FMN1: variants seen among roughly 807,000 people sequenced by gnomAD.
FMN1 encodes formin 1.
FMN1 carries 110 observed loss-of-function variants against 132.4 expected under a neutral mutation model. The ratio of observed to expected loss-of-function variants is 0.83; its 90% confidence interval spans 0.71 to 0.97. The LOEUF (loss-of-function observed/expected upper bound fraction) is 0.97, where lower values mean the gene tolerates loss of function less well. Among genes scored for constraint, FMN1 ranks in the 50% least tolerant of loss-of-function variants. FMN1 has a pLI of 0.00. For missense variants in FMN1, 1,792 were observed against 1,705.3 expected (o/e 1.05, Z -0.90); for synonymous variants, 722 against 651.7 (o/e 1.11, Z -1.64).
chr15:33,112,402 T>C (rs1168413212), intron 4 of FMN1, among the ~76,000 whole-genome samples: 5 of 152,304 alleles, frequency 3.3e-5, no homozygotes, highest in South Asian at 4.1e-4. Context: ...TGTTCTGTAC[T>C]AGTTTTCTTA....
At chr15:33,048,208 C>T (rs2036780699) in intron 6 of FMN1, among the ~76,000 whole-genome samples, 1 of 152,126 alleles carries the variant, frequency 6.6e-6, no homozygotes, top group Non-Finnish European at 1.5e-5. Context: ...ACTGCTTCTT[C>T]AGCTTTTGAA....
intron 4 of FMN1, among the ~76,000 whole-genome samples, chr15:33,094,937 T>G (rs1262852626): frequency 1.3e-5 from 2 of 152,154 alleles, no homozygotes; most frequent in Non-Finnish European, 2.9e-5. Context: ...TTTAGGAGAT[T>G]GTAGGATTCA....
chr15:32,779,515 G>C (rs1366674665), intron 19 of FMN1, among the ~76,000 whole-genome samples: 1 of 152,120 alleles, frequency 6.6e-6, no homozygotes, highest in Non-Finnish European at 1.5e-5. Flanking sequence ...AAAACTGAAA[G>C]CATGTACACT....
chr15:33,056,144 A>G (rs2037206432), intron 6 of FMN1, among the ~76,000 whole-genome samples: 2 of 152,250 alleles, frequency 1.3e-5, no homozygotes, highest in Admixed American at 1.3e-4. Flanking sequence ...GTTTAGCATC[A>G]TCTGCTGACA....
At chr15:33,128,093 T>C (rs547780535) in intron 4 of FMN1, among the ~76,000 whole-genome samples, 9 of 151,520 alleles carry the variant, frequency 5.9e-5, no homozygotes, top group South Asian at 2.1e-4. Flanking sequence ...AAACCAAGAA[T>C]GAGGCCAGAA....
intron 9 of FMN1, among the ~76,000 whole-genome samples, chr15:32,955,223 A>C (rs568287571): frequency 3.9e-4 from 60 of 152,330 alleles, no homozygotes; most frequent in African/African-American, 1.4e-3. Context: ...TTTATTTTTT[A>C]ATCTCCACTT....
At chr15:32,839,815 G>A (rs949210946) in intron 17 of FMN1, among the ~76,000 whole-genome samples, 7 of 151,028 alleles carry the variant, frequency 4.6e-5, no homozygotes, top group African/African-American at 1.5e-4. Context: ...GGTGCTAATG[G>A]CAGCAACTTA....
At chr15:33,029,116 C>T (rs1272103138) in intron 6 of FMN1, among the ~76,000 whole-genome samples, 1 of 152,138 alleles carries the variant, frequency 6.6e-6, no homozygotes, top group Non-Finnish European at 1.5e-5. Flanking sequence ...AGGACAGAGT[C>T]TCAGAGGTCA....
chr15:33,125,145 A>G (rs1962931987), intron 4 of FMN1, among the ~76,000 whole-genome samples: 1 of 152,220 alleles, frequency 6.6e-6, no homozygotes, highest in African/African-American at 2.4e-5. Flanking sequence ...ATGATGCGGT[A>G]GAATGCAGAG....
At chr15:33,094,469 AGTTGC>A (rs1339453262) in intron 4 of FMN1, among the ~76,000 whole-genome samples, 2 of 152,246 alleles carry the variant, frequency 1.3e-5, no homozygotes, top group Non-Finnish European at 2.9e-5. Flanking sequence ...ATAAGAATTC[AGTTGC>A]ACTGCAGTGC....
chr15:32,948,012 G>A (rs765903846), intron 9 of FMN1, among the ~76,000 whole-genome samples: 9 of 151,778 alleles, frequency 5.9e-5, no homozygotes, highest in East Asian at 1.9e-4. Flanking sequence ...TTCCTATTTC[G>A]TACTGATCTC....
At chr15:32,929,700 T>C (rs2061056232) in intron 9 of FMN1, among the ~76,000 whole-genome samples, 2 of 152,124 alleles carry the variant, frequency 1.3e-5, no homozygotes, top group Non-Finnish European at 2.9e-5. Flanking sequence ...TTTTTGTGAC[T>C]AGATTATTTT....
At position 32,870,851 on chromosome 15, in the gene FMN1, A is replaced by C. The variant is rs369298998; in HGVS notation, c.3836-13744T>G. 2.5e-4 allele frequency among the ~76,000 whole-genome samples: 38 copies of C among 152,352 alleles called. 1 individual carries two copies. The highest frequency in any genetic ancestry group is 3.4e-3 in the Middle Eastern group (1 of 294). On this transcript the variant is annotated intron_variant, in intron 16 of 20. Transcript: ENST00000616417. Reference sequence around the variant, plus strand: ...ACCATGAGAAGCCTTCCCTTGAATTAAAGATGGTAACTCCAGAAATTTCAT... The same window carrying C: ...ACCATGAGAAGCCTTCCCTTGAATTCAAGATGGTAACTCCAGAAATTTCAT...
chr15:33,002,781 T>TA (rs2034192175), intron 7 of FMN1, among the ~76,000 whole-genome samples: 1 of 152,208 alleles, frequency 6.6e-6, no homozygotes, highest in East Asian at 1.9e-4. Flanking sequence ...GTTCAATCTT[T>TA]AAAACACTGT....
At chr15:32,804,566 AG>A (rs1236499187) in intron 17 of FMN1, among the ~76,000 whole-genome samples, 5 of 149,686 alleles carry the variant, frequency 3.3e-5, no homozygotes, top group Non-Finnish European at 5.9e-5. Context: ...CACTACGTGC[AG>A]GTTTGTTACA....
intron 7 of FMN1, among the ~76,000 whole-genome samples, chr15:32,985,482 T>TA (rs2033008304): frequency 6.6e-6 from 1 of 152,176 alleles, no homozygotes; most frequent in South Asian, 2.1e-4. Flanking sequence ...AGTTGACTGT[T>TA]AGAAATCCTT....
At chr15:32,838,186 T>G in intron 17 of FMN1, among the ~76,000 whole-genome samples, 1 of 148,470 alleles carries the variant, frequency 6.7e-6, no homozygotes. Flanking sequence ...CATAAGGGGG[T>G]GGAGGAGATG....
chr15:33,184,545 C>G (rs1965813224), intron 2 of FMN1, among the ~76,000 whole-genome samples: 1 of 151,086 alleles, frequency 6.6e-6, no homozygotes, highest in African/African-American at 2.4e-5. Context: ...CCTTCTTCAC[C>G]CAGGCTGAAA....
At chr15:32,922,546 G>A (rs1395674053) in intron 10 of FMN1, among the ~76,000 whole-genome samples, 1 of 152,084 alleles carries the variant, frequency 6.6e-6, no homozygotes, top group African/African-American at 2.4e-5. Flanking sequence ...CTGTGTTAAG[G>A]AGAGCACAGA....
Sources: gnomAD v4.1 joint callset for allele counts (sites outside exome capture counted in the v4.1 genomes callset) on GRCh38, gnomAD v4.1.1 for gene constraint, MANE v1.5 for transcripts, NCBI Gene and HGNC (gene_info 2026-07-23, HGNC 2026-07-21) for gene names.